The following SP6 variants were observed in gnomAD, a reference collection of about 807,000 sequenced individuals.
SP6 encodes the protein transcription factor Sp6.
A neutral mutation model predicts 23.4 loss-of-function variants in SP6; 10 were observed. The observed-to-expected ratio is 0.43, with a 90% CI of 0.26 to 0.72. SP6 has a LOEUF of 0.72. SP6 is among the 30% of genes least tolerant of loss of function. The pLI is 0.23. For missense variants in SP6, 482 were observed against 523.8 expected, an observed-to-expected ratio of 0.92 and a Z score of 0.78; for synonymous variants, 238 against 238.7, an observed-to-expected ratio of 1.00 and a Z score of 0.03.
At chr17:47,851,527 C>A (rs953303626), upstream of SP6, among the ~76,000 whole-genome samples, 2 of 152,158 alleles carry the variant, frequency 1.3e-5, no homozygotes, top group Non-Finnish European at 2.9e-5. Context: ...ACAGAGCCAC[C>A]CTTAGGCAGC....
the SP6 span, among the ~76,000 whole-genome samples, chr17:47,861,637 G>A: frequency 1.3e-5 from 2 of 152,132 alleles, no homozygotes; most frequent in Non-Finnish European, 2.9e-5. Context: ...GGAAGCTGAG[G>A]CACAAGAATC....
chr17:47,864,994 T>C, the SP6 span: 2 of 152,146 alleles, frequency 1.3e-5, no homozygotes, highest in Non-Finnish European at 2.9e-5. Flanking sequence ...CATCGACTCA[T>C]GCCAACAGCT....
upstream of SP6, among the ~76,000 whole-genome samples, chr17:47,855,460 T>A (rs1161618879): frequency 6.6e-6 from 1 of 152,186 alleles, no homozygotes; most frequent in East Asian, 1.9e-4. Flanking sequence ...CTGGGCTGAC[T>A]ACCCCAGCCC....
At chr17:47,864,800 C>G in the SP6 span, 2 of 152,514 alleles carry the variant, frequency 1.3e-5, no homozygotes, top group African/African-American at 4.8e-5. Flanking sequence ...CGTGATTGCT[C>G]TCCTGGGTCT....
the SP6 span, among the ~76,000 whole-genome samples, chr17:47,863,912 G>A: frequency 2.0e-5 from 3 of 147,976 alleles, no homozygotes; most frequent in East Asian, 4.1e-4. Flanking sequence ...CTAATTTTTT[G>A]TATTTTTAGT....
At chr17:47,854,555 C>G (rs2033984717), upstream of SP6, among the ~76,000 whole-genome samples, 1 of 152,132 alleles carries the variant, frequency 6.6e-6, no homozygotes, top group Non-Finnish European at 1.5e-5. Context: ...GTGGAGGAAA[C>G]AGCATTCTTA....
the SP6 span, among the ~76,000 whole-genome samples, chr17:47,867,161 C>A: frequency 6.6e-6 from 1 of 152,198 alleles, no homozygotes; most frequent in Admixed American, 6.5e-5. Context: ...TGAGGGTCCC[C>A]CTGCACCAGT....
upstream of SP6, among the ~76,000 whole-genome samples, chr17:47,858,806 C>T (rs1425188438): frequency 7.5e-6 from 1 of 133,786 alleles, no homozygotes; most frequent in Non-Finnish European, 1.6e-5. Flanking sequence ...AGACAGTCTC[C>T]CTCTATCACC....
chr17:47,849,698 T>A (rs982502551), intron 1 of SP6, among the ~76,000 whole-genome samples: 10 of 152,250 alleles, frequency 6.6e-5, no homozygotes, highest in Non-Finnish European at 1.3e-4. Context: ...CTCAGTCTGT[T>A]ACTTTCTGTA....
chr17:47,853,731 A>G (rs1490022635), upstream of SP6, among the ~76,000 whole-genome samples: 1 of 152,076 alleles, frequency 6.6e-6, no homozygotes, highest in African/African-American at 2.4e-5. Context: ...CTGGAATTCC[A>G]CCAGCAAAGA....
At position 47,847,751 on chromosome 17, in the gene SP6, C is replaced by T. The variant is rs982594079; in HGVS notation, c.679G>A (p.Val227Ile). Residue 227 changes from valine (V) to isoleucine (I), a missense_variant, in exon 2 of 2, where the codon GTC becomes ATC. This residue lies in a region of SP6 where 330 missense variants were observed against 332.3 expected (regional missense o/e 0.99). Transcript: ENST00000536300. ...RSVPRSSGQT[V>I]CRCPNCLEAE... is the part of the protein sequence containing the mutation. ...TCCAGACAGTTGGGGCAGCGACAGA[C>T]GGTCTGGCCTGAGCTGCGGGGCACC... is the stretch of plus-strand genomic sequence containing the variant. 9 of 1,579,844 alleles carry T rather than the reference C, an allele frequency of 5.7e-6. No individual in the cohort carries two copies. The African/African-American group carries it at 6.7e-5, about 12-fold the overall frequency.
At chr17:47,868,418 A>G in the SP6 span, among the ~76,000 whole-genome samples, 1 of 152,212 alleles carries the variant, frequency 6.6e-6, no homozygotes, top group African/African-American at 2.4e-5. Context: ...ATCAAGTACC[A>G]TGGGGACGAC....
the SP6 span, among the ~76,000 whole-genome samples, chr17:47,862,975 A>T: frequency 6.6e-6 from 1 of 152,250 alleles, no homozygotes; most frequent in Non-Finnish European, 1.5e-5. Context: ...TATAAAGATA[A>T]ACAGGAAGTG....
chr17:47,866,954 G>C, the SP6 span, among the ~76,000 whole-genome samples: 1 of 152,048 alleles, frequency 6.6e-6, no homozygotes, highest in Non-Finnish European at 1.5e-5. Flanking sequence ...ATCGTGTCCA[G>C]GCGAAGACTC....
Position 47,847,072 on chromosome 17 carries a change from AG to A in SP6, c.*226del, listed in dbSNP as rs1336279949. On this transcript the variant is annotated 3_prime_UTR_variant, in exon 2 of 2. Coordinates refer to ENST00000536300, the MANE Select transcript of SP6 (RefSeq NM_001258248.2). ...GAAACTGTGAGGCAGGGGAGAACAG[AG>A]GGGCATTGCGCAGCTCCTACCGACC... 3.5e-6 allele frequency: 2 copies of A among 564,452 alleles called. No individual in the cohort carries two copies. The highest frequency in any genetic ancestry group is 1.9e-5 in the African/African-American group (1 of 52,540). 35.0% of individuals were successfully genotyped at this position (564,452 alleles called of 1,614,324 possible).
upstream of SP6, among the ~76,000 whole-genome samples, chr17:47,860,666 C>A (rs571989556): frequency 1.3e-4 from 19 of 149,032 alleles, no homozygotes; most frequent in African/African-American, 4.5e-4. Flanking sequence ...GAGTTGCAAA[C>A]CAGCCTGGGC....
At chr17:47,862,343 C>A in the SP6 span, among the ~76,000 whole-genome samples, 138 of 110,228 alleles carry the variant, frequency 1.3e-3, no homozygotes, top group East Asian at 1.9e-3. Flanking sequence ...GACTAAGTCT[C>A]AAAAAAAAAA....
upstream of SP6, among the ~76,000 whole-genome samples, chr17:47,854,503 G>C (rs1173956905): frequency 6.6e-6 from 1 of 152,200 alleles, no homozygotes; most frequent in Non-Finnish European, 1.5e-5. Context: ...CAATATGGCA[G>C]AATTGATGAC....
In SP6 at chr17:47,847,042, C is replaced by T; in HGVS notation, c.*257G>A. 1 of 502,048 alleles carries T rather than the reference C, an allele frequency of 2.0e-6. No homozygotes were observed. The highest frequency in any genetic ancestry group is 3.5e-6 in the Non-Finnish European group (1 of 285,742). The allele number at this position is 502,048 out of a possible 1,614,324, so 31.1% of individuals were successfully genotyped here. On this transcript the variant is annotated 3_prime_UTR_variant, in exon 2 of 2. Transcript: ENST00000536300. ...CCACCCCAACCCCCCAGCCCAGGGG[C>T]GAGGGAAACTGTGAGGCAGGGGAGA...
Sources: allele counts gnomAD v4.1 joint callset (sites outside exome capture counted in the v4.1 genomes callset), GRCh38; gene constraint gnomAD v4.1.1; regional missense constraint gnomAD v4.1.1; transcripts MANE v1.5; gene names NCBI Gene and HGNC (gene_info 2026-07-23, HGNC 2026-07-21).